The following AKAP12 variants were observed in gnomAD, a reference collection of about 807,000 sequenced individuals.
AKAP12 encodes the protein A-kinase anchor protein 12.
Under a neutral mutation model 79.9 loss-of-function variants are expected in AKAP12, and 32 were observed. The ratio of observed to expected loss-of-function variants is 0.40; its 90% CI spans 0.30 to 0.54. The LOEUF is 0.54. Among genes scored for constraint, AKAP12 ranks in the 20% least tolerant of loss-of-function variants. The pLI is 0.48. For synonymous variants in AKAP12, 808 were observed against 857.0 expected, an observed-to-expected ratio of 0.94 and a Z score of 1.00; for missense variants, 2,074 against 2,177.0, an observed-to-expected ratio of 0.95 and a Z score of 0.94.
intron 2 of AKAP12, among the ~76,000 whole-genome samples, chr6:151,259,430 GTGTGTATATA>G (rs1384072417): frequency 6.8e-6 from 1 of 147,918 alleles, no homozygotes; most frequent in South Asian, 2.1e-4. Flanking sequence ...ATATATATGT[GTGTGTATATA>G]TGTGTATATA....
chr6:151,253,918 T>A (rs6557126), intron 2 of AKAP12, among the ~76,000 whole-genome samples: 96,816 of 151,342 alleles, frequency 0.64, 31,261 homozygotes, highest in East Asian at 0.84. Context: ...CATGTTGGCC[T>A]GGCTGGTCTC....
At chr6:151,253,038 C>G (rs1797216445) in intron 2 of AKAP12, among the ~76,000 whole-genome samples, 3 of 152,262 alleles carry the variant, frequency 2.0e-5, no homozygotes, top group African/African-American at 7.2e-5. Flanking sequence ...ATTTATTTTT[C>G]TTTGTGTCTG....
At chr6:151,253,589 C>T (rs1797232900) in intron 2 of AKAP12, among the ~76,000 whole-genome samples, 1 of 152,132 alleles carries the variant, frequency 6.6e-6, no homozygotes, top group African/African-American at 2.4e-5. Flanking sequence ...CTTAGGTGGC[C>T]TATCTACTTT....
chr6:151,349,458 C>T lies in AKAP12; in HGVS notation c.1067C>T (p.Ala356Val), dbSNP rs764352757. 1.2e-6 allele frequency: 2 copies of T among 1,606,382 alleles called. No homozygotes were observed. The highest frequency in any genetic ancestry group is 1.4e-5 in the African/African-American group (1 of 73,902). Reference protein sequence around the residue: ...ASEKLTASEQAHPQEPAESAH... With the variant: ...ASEKLTASEQVHPQEPAESAH... ...GAGAAACTGACCGCCTCCGAGCAAG[C>T]CCACCCACAGGAGCCGGCAGAAAGT... The change falls in exon 4 of 5, where the codon GCC becomes GTC. Residue 356 changes from alanine (A) to valine (V), a missense_variant. This residue lies in a region of AKAP12 where 1,428 missense variants were observed against 1,451.0 expected (regional missense o/e 0.98). Transcript: ENST00000402676.
At chr6:151,285,384 C>CTCTG (rs1554324273) in intron 2 of AKAP12, among the ~76,000 whole-genome samples, 2 of 136,462 alleles carry the variant, frequency 1.5e-5, no homozygotes, top group Non-Finnish European at 3.1e-5. Flanking sequence ...CTGCATTTCA[C>CTCTG]TGTGTGTGTG....
chr6:151,242,009 G>A (rs1796986536), intron 2 of AKAP12, among the ~76,000 whole-genome samples: 1 of 152,210 alleles, frequency 6.6e-6, no homozygotes, highest in African/African-American at 2.4e-5. Context: ...GTGTCTCTGT[G>A]CTATGTAGGT....
At chr6:151,337,541 A>G (rs1777849617) in intron 3 of AKAP12, among the ~76,000 whole-genome samples, 1 of 150,900 alleles carries the variant, frequency 6.6e-6, no homozygotes, top group African/African-American at 2.4e-5. Flanking sequence ...AGAAAGAAAG[A>G]TAACTGTAAA....
chr6:151,342,411 A>G (rs1777976136), intron 3 of AKAP12, among the ~76,000 whole-genome samples: 1 of 152,190 alleles, frequency 6.6e-6, no homozygotes. Flanking sequence ...TTAGAAGACT[A>G]TTCTCTAGGC....
chr6:151,258,530 A>G (rs1004442984), intron 2 of AKAP12, among the ~76,000 whole-genome samples: 2 of 152,248 alleles, frequency 1.3e-5, no homozygotes, highest in Non-Finnish European at 2.9e-5. Flanking sequence ...TGTAAAACCT[A>G]AAAATCAACA....
chr6:151,240,559 A>T lies in AKAP12; in HGVS notation c.-4A>T. On this transcript the variant is annotated 5_prime_UTR_variant, in exon 2 of 5. Coordinates refer to ENST00000402676, the MANE Select transcript of AKAP12 (RefSeq NM_005100.4). ...GCTAGGCGCGGGAGAAGTGCGGAGG[A>T]GCCATGGGCGCCGGGAGCTCCACCG... 2 of 1,440,430 alleles carry T rather than the reference A, an allele frequency of 1.4e-6. No homozygotes were observed. Among genetic ancestry groups the T allele is most frequent in the Non-Finnish European group, 9.1e-7 (1 of 1,103,262 alleles). 89.2% of individuals were successfully genotyped at this position (1,440,430 alleles called of 1,614,324 possible).
chr6:151,259,288 C>G (rs1035031486), intron 2 of AKAP12, among the ~76,000 whole-genome samples: 2 of 151,476 alleles, frequency 1.3e-5, no homozygotes, highest in Non-Finnish European at 2.9e-5. Flanking sequence ...TCAGGTAATC[C>G]ACCCACCTTG....
intron 2 of AKAP12, among the ~76,000 whole-genome samples, chr6:151,281,197 A>T (rs1259363689): frequency 6.6e-6 from 1 of 152,186 alleles, no homozygotes; most frequent in Non-Finnish European, 1.5e-5. Flanking sequence ...TAAGTGACTT[A>T]ACTTGCGAGC....
At chr6:151,273,650 C>A (rs1776234130) in intron 2 of AKAP12, among the ~76,000 whole-genome samples, 1 of 152,164 alleles carries the variant, frequency 6.6e-6, no homozygotes, top group Admixed American at 6.6e-5. Flanking sequence ...AGGAAAGAGA[C>A]CTCCAGCAGG....
chr6:151,251,313 C>G (rs182660219), intron 2 of AKAP12, among the ~76,000 whole-genome samples: 1 of 152,190 alleles, frequency 6.6e-6, no homozygotes, highest in Non-Finnish European at 1.5e-5. Context: ...GTGAGTGCGT[C>G]GTGAACCCCT....
At position 151,339,993 on chromosome 6, in the gene AKAP12, C is replaced by T. The variant is rs571996019; in HGVS notation, c.320-8718C>T. ...CCAGGCTGGAGTGCAGTGGCGCGAT[C>T]TCAGCTCACTGCGAGCCCCGTCTCC... On this transcript the variant is annotated intron_variant, in intron 3 of 4. Coordinates refer to ENST00000402676, the MANE Select transcript of AKAP12 (RefSeq NM_005100.4). Among the ~76,000 whole-genome samples, 14 of 151,862 alleles carry T rather than the reference C, an allele frequency of 9.2e-5. No individual in the cohort carries two copies. The East Asian group carries it at 2.7e-3, about 29-fold the overall frequency.
chr6:151,324,459 C>G, intron 3 of AKAP12: 4 of 985,450 alleles, frequency 4.1e-6, no homozygotes, highest in Non-Finnish European at 4.8e-6. Flanking sequence ...TGCCAGCCAG[C>G]TCTCCTGGAC....
Position 151,350,707 on chromosome 6 carries a change from A to G in AKAP12, c.2316A>G (p.Ser772=), listed in dbSNP as rs1438510148. 7 of 1,613,848 alleles carry G rather than the reference A, an allele frequency of 4.3e-6. No individual in the cohort carries two copies. The highest frequency in any genetic ancestry group is 1.7e-4 in the Middle Eastern group (1 of 6,060). The part of the protein sequence containing the change: ...FKRLVTPRKK[S]KSKLEEKSED... ...GGTTAGTCACGCCAAGAAAAAAATC[A>G]AAGTCCAAGCTGGAAGAGAAAAGCG... Residue 772 remains serine, a synonymous_variant, in exon 4 of 5, where the codon TCA becomes TCG. Transcript: ENST00000402676. This position sits in a 1 kb window ranked among gnomAD's most constrained non-coding sequence, Gnocchi z 4.8.
intron 2 of AKAP12, among the ~76,000 whole-genome samples, chr6:151,293,736 A>G (rs2114739730): frequency 6.6e-6 from 1 of 152,300 alleles, no homozygotes; most frequent in African/African-American, 2.4e-5. Flanking sequence ...GGAGAGAGTA[A>G]GTAACATGGT....
chr6:151,353,371 C>T lies in AKAP12; in HGVS notation c.4980C>T (p.Val1660=), dbSNP rs774863652. The T allele has an allele frequency of 1.9e-6, 3 of 1,614,136 alleles. No individual in the cohort carries two copies. The highest frequency in any genetic ancestry group is 2.2e-5 in the South Asian group (2 of 91,084). ...ATGATCAGCAGCTGGAAGAGGTCGT[C>T]CTCCCATCTGAGGAAGAGGGAGGTG... The part of the protein sequence containing the change: ...TVNDQQLEEV[V]LPSEEEGGGA... The change falls in exon 4 of 5, where the codon GTC becomes GTT. Residue 1660 remains valine (V), a synonymous_variant. Coordinates refer to ENST00000402676, the MANE Select transcript of AKAP12 (RefSeq NM_005100.4).
Sources: gnomAD v4.1 joint callset for allele counts (sites outside exome capture counted in the v4.1 genomes callset) on GRCh38, gnomAD v4.1.1 for gene constraint, gnomAD v4.1.1 regional missense constraint, Gnocchi (gnomAD v3.1) non-coding constraint, MANE v1.5 for transcripts, NCBI Gene and HGNC (gene_info 2026-07-23, HGNC 2026-07-21) for gene names.